DLG2: variants seen among roughly 807,000 people sequenced by gnomAD.
DLG2 encodes discs large MAGUK scaffold protein 2.
In DLG2, 45 loss-of-function variants were observed where a neutral mutation model predicts 132.5. That is an observed-to-expected ratio of 0.34 (90% confidence interval 0.27 to 0.44). DLG2 has a LOEUF of 0.44. DLG2 is among the 20% of genes least tolerant of loss of function. DLG2 has a pLI of 1.00. For synonymous variants in DLG2, 424 were observed against 419.6 expected (o/e 1.01, Z -0.13); for missense variants, 1,045 against 1,196.9 (o/e 0.87, Z 1.87).
intron 6 of DLG2, among the ~76,000 whole-genome samples, chr11:85,033,255 A>G (rs1193805612): frequency 6.6e-6 from 1 of 152,128 alleles, no homozygotes; most frequent in Non-Finnish European, 1.5e-5. Flanking sequence ...ATTCCATTAA[A>G]AGATGTTATT....
intron 19 of DLG2, among the ~76,000 whole-genome samples, chr11:83,547,261 G>T (rs2096265262): frequency 6.6e-6 from 1 of 152,062 alleles, no homozygotes; most frequent in Non-Finnish European, 1.5e-5. Context: ...TATGATAGGA[G>T]AAATAATATC....
intron 3 of DLG2, among the ~76,000 whole-genome samples, chr11:85,470,544 G>A (rs914545194): frequency 6.6e-6 from 1 of 152,138 alleles, no homozygotes; most frequent in African/African-American, 2.4e-5. Flanking sequence ...CCCACATGGT[G>A]AAACCCCATC....
intron 6 of DLG2, chr11:84,720,454 G>A (rs2061680659): frequency 2.0e-6 from 2 of 985,126 alleles, no homozygotes; most frequent in South Asian, 4.7e-5. Context: ...TGTGCTCGCC[G>A]GGCACATGGA....
intron 6 of DLG2, chr11:84,545,656 G>T (rs899830040): frequency 4.5e-5 from 13 of 286,898 alleles, no homozygotes; most frequent in Non-Finnish European, 8.2e-5. Context: ...GAGTTACAAA[G>T]GCAAAATCCC....
At chr11:84,755,536 G>C (rs1041610654) in intron 6 of DLG2, among the ~76,000 whole-genome samples, 1 of 152,202 alleles carries the variant, frequency 6.6e-6, no homozygotes, top group African/African-American at 2.4e-5. Context: ...ACATTCTCCT[G>C]CCTCAGCCTC....
Position 85,537,686 on chromosome 11 carries a change from A to C in DLG2, c.40+60971T>G, listed in dbSNP as rs180831907. On this transcript the variant is annotated intron_variant, in intron 3 of 27. Transcript: ENST00000376104. Reference sequence around the variant, plus strand: ...GAACAACTCCAGATATGCCGCCTTTAAGAGCTGTAACACTCACTGTGAAGG... The same window carrying C: ...GAACAACTCCAGATATGCCGCCTTTCAGAGCTGTAACACTCACTGTGAAGG... 5.9e-5 allele frequency among the ~76,000 whole-genome samples: 9 copies of C among 152,004 alleles called. No homozygotes were observed. The East Asian group carries it at 1.7e-3, about 29-fold the overall frequency.
chr11:84,370,928 G>T (rs1267861501), intron 7 of DLG2, among the ~76,000 whole-genome samples: 3 of 152,032 alleles, frequency 2.0e-5, no homozygotes, highest in African/African-American at 7.2e-5. Flanking sequence ...GCATCTAGGG[G>T]TCTATTTTAT....
chr11:84,844,862 T>C (rs968723493), intron 6 of DLG2, among the ~76,000 whole-genome samples: 2 of 152,200 alleles, frequency 1.3e-5, no homozygotes, highest in Non-Finnish European at 2.9e-5. Flanking sequence ...TATCATTTAA[T>C]GTATTACTTA....
intron 7 of DLG2, among the ~76,000 whole-genome samples, chr11:84,367,862 C>G (rs2098690443): frequency 6.6e-6 from 1 of 152,050 alleles, no homozygotes; most frequent in South Asian, 2.1e-4. Flanking sequence ...GTTATAGTGA[C>G]AGAAAATGGA....
At chr11:84,394,854 TCG>T (rs2098805823) in intron 7 of DLG2, among the ~76,000 whole-genome samples, 1 of 152,114 alleles carries the variant, frequency 6.6e-6, no homozygotes, top group Non-Finnish European at 1.5e-5. Flanking sequence ...ACTCCTGACC[TCG>T]TGATCCATCC....
intron 7 of DLG2, among the ~76,000 whole-genome samples, chr11:84,390,020 G>A (rs958598689): frequency 6.6e-6 from 1 of 152,112 alleles, no homozygotes; most frequent in Admixed American, 6.6e-5. Context: ...TTGATACACT[G>A]TTTTTAATAT....
At chr11:84,228,843 A>T (rs2097048749) in intron 8 of DLG2, among the ~76,000 whole-genome samples, 1 of 152,178 alleles carries the variant, frequency 6.6e-6, no homozygotes, top group Non-Finnish European at 1.5e-5. Flanking sequence ...CTCTGTATTG[A>T]TGTCGCCTGG....
chr11:84,292,914 A>T (rs1046774147), intron 7 of DLG2, among the ~76,000 whole-genome samples: 6 of 152,198 alleles, frequency 3.9e-5, no homozygotes, highest in Admixed American at 6.5e-5. Flanking sequence ...AATGAGCTAA[A>T]AAACAAAAAA....
At chr11:85,230,296 A>G (rs1224422833) in intron 4 of DLG2, among the ~76,000 whole-genome samples, 3 of 151,954 alleles carry the variant, frequency 2.0e-5, no homozygotes, top group Admixed American at 2.0e-4. Flanking sequence ...ACATGCTCAC[A>G]ATTTTTGGTG....
intron 18 of DLG2, among the ~76,000 whole-genome samples, chr11:83,716,465 T>A (rs1229358754): frequency 6.6e-6 from 1 of 152,240 alleles, no homozygotes; most frequent in African/African-American, 2.4e-5. Context: ...TTTATAGAAC[T>A]AGTGATAAAA....
chr11:84,646,812 G>T (rs2099675557), intron 6 of DLG2, among the ~76,000 whole-genome samples: 1 of 152,070 alleles, frequency 6.6e-6, no homozygotes. Flanking sequence ...TTTACTGCAT[G>T]CACATATGAT....
intron 6 of DLG2, among the ~76,000 whole-genome samples, chr11:84,608,651 G>A (rs1021306333): frequency 2.3e-4 from 35 of 152,098 alleles, no homozygotes; most frequent in Admixed American, 4.6e-4. Context: ...GTTTTTTGCC[G>A]TGGCATCCAT....
At chr11:85,256,652 C>A (rs1416149160) in intron 4 of DLG2, among the ~76,000 whole-genome samples, 1 of 152,160 alleles carries the variant, frequency 6.6e-6, no homozygotes, top group African/African-American at 2.4e-5. Flanking sequence ...CTGCATGCTC[C>A]TCCTCCTGTA....
intron 4 of DLG2, among the ~76,000 whole-genome samples, chr11:85,162,455 GGTTA>G (rs2078105682): frequency 6.6e-6 from 1 of 152,148 alleles, no homozygotes; most frequent in Admixed American, 6.5e-5. Flanking sequence ...AATACAGAAT[GGTTA>G]GTAGAAGAAG....
Sources: allele counts gnomAD v4.1 joint callset (sites outside exome capture counted in the v4.1 genomes callset), GRCh38; gene constraint gnomAD v4.1.1; transcripts MANE v1.5; gene names NCBI Gene and HGNC (gene_info 2026-07-23, HGNC 2026-07-21).